FSTL4: variants seen among roughly 807,000 people sequenced by gnomAD.
The protein encoded by FSTL4 is follistatin like 4, also known as follistatin-related protein 4.
Under a neutral mutation model 78.2 loss-of-function variants are expected in FSTL4, and 28 were observed. That is an observed-to-expected ratio of 0.36 (90% CI 0.27 to 0.49). The LOEUF (loss-of-function observed/expected upper bound fraction) is 0.49. Among genes scored for constraint, FSTL4 ranks in the 20% least tolerant of loss-of-function variants. The probability of loss-of-function intolerance (pLI) is 0.98; values close to 1 mark genes in which losing one functional copy is unlikely to be tolerated. For missense variants in FSTL4, 922 were observed against 1,084.9 expected (o/e 0.85, Z 2.11); for synonymous variants, 422 against 440.5 (o/e 0.96, Z 0.53).
intron 8 of FSTL4, among the ~76,000 whole-genome samples, chr5:133,229,489 C>T (rs1052511144): frequency 6.6e-6 from 1 of 151,946 alleles, no homozygotes; most frequent in African/African-American, 2.4e-5. Flanking sequence ...TGCTATTGCA[C>T]TCCAACCTGG....
chr5:133,768,246 G>A, the FSTL4 span, among the ~76,000 whole-genome samples: 4 of 152,182 alleles, frequency 2.6e-5, no homozygotes, highest in African/African-American at 9.6e-5. Context: ...CTGCCATTCA[G>A]GATGATGGAT....
chr5:133,259,593 T>TGATCAGAAG (rs1752469061), intron 6 of FSTL4, among the ~76,000 whole-genome samples: 1 of 149,076 alleles, frequency 6.7e-6, no homozygotes, highest in Admixed American at 6.8e-5. Context: ...TCTTGGCTCA[T>TGATCAGAAG]GATCAGAAGG....
Position 133,199,339 on chromosome 5 carries a change from A to G in FSTL4, c.2285T>C (p.Leu762Pro). The G allele has an allele frequency of 6.2e-7, 1 of 1,614,162 alleles. No homozygotes were observed. Among genetic ancestry groups the G allele is most frequent in the Non-Finnish European group, 8.5e-7 (1 of 1,179,984 alleles). Residue 762 changes from leucine (L) to proline (P), a missense_variant, in exon 16 of 16, where the codon CTG becomes CCG. Coordinates refer to ENST00000265342, the MANE Select transcript of FSTL4 (RefSeq NM_015082.2). The surrounding 1 kb of genome is among the most constrained non-coding windows in gnomAD (Gnocchi z 4.4). ...YAALHTEPDL[L>P]FLELSTGKVG... ...CTTCCCCGTGGACAGCTCCAGGAAC[A>G]GCAGGTCCGGCTCCGTGTGCAGAGC... is the stretch of plus-strand genomic sequence containing the variant.
intron 4 of FSTL4, among the ~76,000 whole-genome samples, chr5:133,366,991 AAAC>A: frequency 6.6e-6 from 1 of 152,346 alleles, no homozygotes; most frequent in Non-Finnish European, 1.5e-5. Context: ...ATGTTGAGCC[AAAC>A]AACAGCAGGA....
chr5:133,274,116 G>T (rs1444830482), intron 6 of FSTL4, among the ~76,000 whole-genome samples: 1 of 152,212 alleles, frequency 6.6e-6, no homozygotes, highest in Non-Finnish European at 1.5e-5. Context: ...GGCTGGGGCT[G>T]ATGGAGTTGC....
intron 3 of FSTL4, among the ~76,000 whole-genome samples, chr5:133,491,765 CATTAT>C (rs1264286752): frequency 2.6e-5 from 4 of 151,976 alleles, no homozygotes; most frequent in African/African-American, 7.3e-5. Flanking sequence ...AATTTTGTGC[CATTAT>C]ATTTAGACAT....
the FSTL4 span, among the ~76,000 whole-genome samples, chr5:133,628,511 C>A: frequency 5.3e-5 from 8 of 151,988 alleles, no homozygotes; most frequent in African/African-American, 1.7e-4. Flanking sequence ...AGGCATGCAC[C>A]ACCACACTTG....
chr5:133,223,596 C>A (rs948263137), intron 11 of FSTL4, among the ~76,000 whole-genome samples: 1 of 152,200 alleles, frequency 6.6e-6, no homozygotes, highest in African/African-American at 2.4e-5. Flanking sequence ...CCAGCTCCCA[C>A]ACATGCCCAC....
intron 3 of FSTL4, among the ~76,000 whole-genome samples, chr5:133,534,938 G>A (rs1759322588): frequency 6.6e-6 from 1 of 152,172 alleles, no homozygotes; most frequent in Non-Finnish European, 1.5e-5. Context: ...GGGGTGCTAT[G>A]AACTGAATTG....
chr5:133,290,452 G>A (rs995514460), intron 6 of FSTL4, among the ~76,000 whole-genome samples: 1 of 152,218 alleles, frequency 6.6e-6, no homozygotes, highest in African/African-American at 2.4e-5. Flanking sequence ...TTCCAGCCTG[G>A]GTCTTCCCTC....
chr5:133,622,065 C>T, the FSTL4 span, among the ~76,000 whole-genome samples: 1 of 152,094 alleles, frequency 6.6e-6, no homozygotes, highest in African/African-American at 2.4e-5. Context: ...CCCCCCTTAT[C>T]CCTAATCTCT....
At chr5:133,658,580 GA>G in the FSTL4 span, among the ~76,000 whole-genome samples, 3 of 151,992 alleles carry the variant, frequency 2.0e-5, no homozygotes, top group Admixed American at 1.3e-4. Context: ...TCTTTCTGAA[GA>G]ACACTTCCAG....
At chr5:133,363,230 T>C (rs1034103872) in intron 4 of FSTL4, among the ~76,000 whole-genome samples, 2 of 152,116 alleles carry the variant, frequency 1.3e-5, no homozygotes, top group Non-Finnish European at 2.9e-5. Flanking sequence ...GTTAAGCATG[T>C]GGTGGGGGGC....
the FSTL4 span, among the ~76,000 whole-genome samples, chr5:133,682,027 G>A: frequency 1.1e-4 from 17 of 152,210 alleles, no homozygotes; most frequent in African/African-American, 4.1e-4. Flanking sequence ...TGCTTGCAGA[G>A]GGTAGGCTGG....
At chr5:133,476,317 A>G (rs1580733440) in intron 3 of FSTL4, among the ~76,000 whole-genome samples, 4 of 152,320 alleles carry the variant, frequency 2.6e-5, no homozygotes, top group African/African-American at 7.2e-5. Context: ...CAACGAGCTT[A>G]TGGCCCCTCG....
chr5:133,358,851 CTTCTTTTAAGTAAAA>C (rs1755004425), intron 4 of FSTL4, among the ~76,000 whole-genome samples: 2 of 152,226 alleles, frequency 1.3e-5, no homozygotes, highest in South Asian at 4.2e-4. Flanking sequence ...CAGCCTCCCA[CTTCTTTTAAGTAAAA>C]TGCTATTTCC....
At chr5:133,369,737 C>T (rs935474698) in intron 4 of FSTL4, among the ~76,000 whole-genome samples, 2 of 152,230 alleles carry the variant, frequency 1.3e-5, no homozygotes, top group Non-Finnish European at 2.9e-5. Flanking sequence ...CTCATTTGGC[C>T]TCAAACGACA....
chr5:133,513,243 T>C (rs1161479844), intron 3 of FSTL4, among the ~76,000 whole-genome samples: 1 of 152,228 alleles, frequency 6.6e-6, no homozygotes, highest in African/African-American at 2.4e-5. Context: ...ATGGAATATC[T>C]TGGTATACTT....
At chr5:133,449,646 C>T (rs1580716045) in intron 3 of FSTL4, among the ~76,000 whole-genome samples, 2 of 152,080 alleles carry the variant, frequency 1.3e-5, no homozygotes, top group African/African-American at 2.4e-5. Context: ...AGGCGGGGTC[C>T]GAGGTGAGGG....
Sources: gnomAD v4.1 joint callset for allele counts (sites outside exome capture counted in the v4.1 genomes callset) on GRCh38, gnomAD v4.1.1 for gene constraint, Gnocchi (gnomAD v3.1) non-coding constraint, MANE v1.5 for transcripts, NCBI Gene and HGNC (gene_info 2026-07-23, HGNC 2026-07-21) for gene names.